The following FRMPD3 variants were observed in gnomAD, a reference collection of about 807,000 sequenced individuals.
The protein encoded by FRMPD3 is FERM and PDZ domain containing 3, also known as FERM and PDZ domain-containing protein 3.
In FRMPD3, 42 loss-of-function variants were observed where a neutral mutation model predicts 97.9. That is an observed-to-expected ratio of 0.43 (90% CI 0.34 to 0.55). The LOEUF (loss-of-function observed/expected upper bound fraction) is 0.55, where lower values mean the gene tolerates loss of function less well. Ranked by LOEUF, FRMPD3 falls within the 20% of genes least tolerant of loss-of-function variation. FRMPD3 has a pLI of 0.03. For missense variants in FRMPD3, 1,303 were observed against 1,457.7 expected, an observed-to-expected ratio of 0.89 and a Z score of 1.73; for synonymous variants, 577 against 581.1, an observed-to-expected ratio of 0.99 and a Z score of 0.10.
chrX:107,458,510 A>C (rs1931414738), intron 1 of FRMPD3, among the ~76,000 whole-genome samples: 1 of 111,412 alleles, frequency 9.0e-6, no homozygotes, highest in Non-Finnish European at 1.9e-5. Context: ...CTAGAAAAGG[A>C]ACAGGCTTCT....
At chrX:107,531,191 C>T (rs1021348585) in intron 3 of FRMPD3, among the ~76,000 whole-genome samples, 14 of 109,935 alleles carry the variant, frequency 1.3e-4, no homozygotes, top group South Asian at 3.9e-4. Context: ...ATACACACAC[C>T]CTGGCATAGA....
intron 8 of FRMPD3, among the ~76,000 whole-genome samples, chrX:107,558,212 A>C (rs1212725701): frequency 9.0e-6 from 1 of 111,018 alleles, no homozygotes; most frequent in Non-Finnish European, 1.9e-5. Flanking sequence ...TGTAGTTTTC[A>C]GTATATAGGT....
In FRMPD3 at chrX:107,530,422, G is replaced by A. The variant is rs966069283; in HGVS notation, c.162G>A (p.Glu54=). 8 of 1,189,957 alleles carry A rather than the reference G, an allele frequency of 6.7e-6. No homozygotes were observed. The African/African-American group carries it at 1.4e-4, about 21-fold the overall frequency. The change falls in exon 3 of 15, where the codon GAG becomes GAA. Residue 54 remains glutamate, a synonymous_variant. Transcript: ENST00000683843. ...VRSVRPGGPS[E]NKLLAGDQIV... ...TCTCCTTTGCAGGAGGCCCCTCTGA[G>A]AACAAGCTCCTGGCTGGTGACCAGA...
At chrX:107,551,737 C>T (rs1050968595) in intron 6 of FRMPD3, among the ~76,000 whole-genome samples, 6 of 112,265 alleles carry the variant, frequency 5.3e-5, no homozygotes, top group Non-Finnish European at 7.5e-5. Context: ...TGGCAATCGC[C>T]GGATTGGCTG....
At chrX:107,481,151 T>G (rs1921360768) in intron 1 of FRMPD3, among the ~76,000 whole-genome samples, 1 of 111,763 alleles carries the variant, frequency 8.9e-6, no homozygotes, top group South Asian at 3.8e-4. Flanking sequence ...GACCTGTGAC[T>G]CAGTCACCCG....
At chrX:107,564,781 C>A (rs1922529533) in intron 11 of FRMPD3, 106 bp from the exon 12 acceptor site, 1 of 846,339 alleles carries the variant, frequency 1.2e-6, no homozygotes, top group Admixed American at 2.3e-5. Flanking sequence ...TTTTCAGACC[C>A]CACCAGAGAG....
chrX:107,517,735 T>C (rs1472249193), intron 1 of FRMPD3, among the ~76,000 whole-genome samples: 1 of 98,653 alleles, frequency 1.0e-5, no homozygotes, highest in Non-Finnish European at 2.0e-5. Flanking sequence ...CACTCCAGCC[T>C]GGGCATCAAC....
intron 4 of FRMPD3, among the ~76,000 whole-genome samples, chrX:107,536,708 A>C (rs1923254601): frequency 1.8e-5 from 2 of 112,337 alleles, no homozygotes; most frequent in African/African-American, 3.2e-5. Context: ...TGGATCAAAT[A>C]GTAAGTGTAT....
intron 13 of FRMPD3, among the ~76,000 whole-genome samples, chrX:107,586,407 T>A (rs1306930700): frequency 1.5e-4 from 16 of 104,247 alleles, no homozygotes; most frequent in African/African-American, 4.4e-4. Flanking sequence ...ATTCATTGAT[T>A]TTTTTTTTTT....
chrX:107,452,056 T>G (rs1931301417), intron 1 of FRMPD3, among the ~76,000 whole-genome samples: 1 of 112,034 alleles, frequency 8.9e-6, no homozygotes, highest in Non-Finnish European at 1.9e-5. Flanking sequence ...TGTTAATAGC[T>G]GATAGAGGTT....
intron 1 of FRMPD3, among the ~76,000 whole-genome samples, chrX:107,520,877 T>C (rs1397122175): frequency 1.8e-5 from 2 of 112,328 alleles, no homozygotes; most frequent in African/African-American, 6.5e-5. Flanking sequence ...CATGAGGTTA[T>C]AGTGAAAATG....
chrX:107,456,436 G>T (rs1931378852), intron 1 of FRMPD3, among the ~76,000 whole-genome samples: 1 of 111,621 alleles, frequency 9.0e-6, no homozygotes, highest in African/African-American at 3.3e-5. Context: ...TAGTTATCAG[G>T]ACTTTGCCAT....
At position 107,604,115 on chromosome X, in the gene FRMPD3, C is replaced by G. The variant is rs1307940884; in HGVS notation, c.*742C>G. 2 of 108,799 alleles carry G rather than the reference C, an allele frequency of 1.8e-5. No individual in the cohort carries two copies. Among genetic ancestry groups the G allele is most frequent in the Admixed American group, 1.9e-4 (2 of 10,295 alleles). The allele number at this position is 108,799 out of a possible 1,213,427, so 9.0% of individuals were successfully genotyped here. Reference sequence around the variant, plus strand: ...ACCCCACTCATTTTGGGTAAGGTACCTGATGAAAACGTCTGCCTGGGGAGA... The same window carrying G: ...ACCCCACTCATTTTGGGTAAGGTACGTGATGAAAACGTCTGCCTGGGGAGA... On this transcript the variant is annotated 3_prime_UTR_variant, in exon 15 of 15. Transcript: ENST00000683843.
At chrX:107,536,573 G>A (rs1271481630) in intron 4 of FRMPD3, among the ~76,000 whole-genome samples, 1 of 111,278 alleles carries the variant, frequency 9.0e-6, no homozygotes, top group East Asian at 2.8e-4. Context: ...TGTACCCGTT[G>A]AAGGGCATTG....
At chrX:107,583,795 A>G (rs2147626334) in intron 13 of FRMPD3, among the ~76,000 whole-genome samples, 1 of 110,735 alleles carries the variant, frequency 9.0e-6, no homozygotes, top group African/African-American at 3.3e-5. Context: ...CTGGCAAGAC[A>G]TGGTATCTTA....
At chrX:107,451,510 CAGG>C (rs1272361541) in intron 1 of FRMPD3, among the ~76,000 whole-genome samples, 1 of 112,139 alleles carries the variant, frequency 8.9e-6, no homozygotes, top group Non-Finnish European at 1.9e-5. Context: ...AAGCTCACTG[CAGG>C]AGAAGCAGGG....
Position 107,601,470 on chromosome X carries a change from G to A in FRMPD3, c.3431G>A (p.Ser1144Asn), listed in dbSNP as rs1924503572. 1 of 1,168,648 alleles carries A rather than the reference G, an allele frequency of 8.6e-7. No individual in the cohort carries two copies. The highest frequency in any genetic ancestry group is 1.1e-6 in the Non-Finnish European group (1 of 875,221). ...CCCAGCTGCCAGTCAAGAAGCCACA[G>A]CCCCAGCTGCCAGCCTCATGGCCAC... ...QSPSCQSRSH[S>N]PSCQPHGHSP... The change falls in exon 15 of 15, where the codon AGC (serine) becomes AAC (asparagine). Residue 1144 changes from serine to asparagine, a missense_variant. Physicochemically the swap from Ser to Asn is conservative, Grantham distance 46. Around this residue, in one of 3 missense-constraint regions of FRMPD3, gnomAD observed 764 missense variants for 820.2 expected, o/e 0.93. Transcript: ENST00000683843.
intron 10 of FRMPD3, among the ~76,000 whole-genome samples, 184 bp from the exon 11 acceptor site, chrX:107,562,927 T>C (rs1020736533): frequency 9.0e-6 from 1 of 111,660 alleles, no homozygotes; most frequent in African/African-American, 3.3e-5. Context: ...GATGAGATAC[T>C]AGAGGGAAGA....
At chrX:107,451,108 G>A (rs150346881) in intron 1 of FRMPD3, among the ~76,000 whole-genome samples, 12 of 112,060 alleles carry the variant, frequency 1.1e-4, no homozygotes, top group African/African-American at 3.6e-4. Flanking sequence ...CACCCTTGCA[G>A]CTGCAACTAA....
Sources: gnomAD v4.1 joint callset for allele counts (sites outside exome capture counted in the v4.1 genomes callset) on GRCh38, gnomAD v4.1.1 for gene constraint, gnomAD v4.1.1 regional missense constraint, MANE v1.5 for transcripts, NCBI Gene and HGNC (gene_info 2026-07-23, HGNC 2026-07-21) for gene names.